The following HELZ variants were observed in gnomAD, a reference collection of about 807,000 sequenced individuals.
The protein encoded by HELZ is helicase with zinc finger.
HELZ carries 23 observed loss-of-function variants against 218.2 expected under a neutral mutation model. The ratio of observed to expected loss-of-function variants is 0.11; its 90% CI spans 0.08 to 0.15. The LOEUF (loss-of-function observed/expected upper bound fraction) is 0.15. Among genes scored for constraint, HELZ ranks in the 10% least tolerant of loss-of-function variants. The probability of loss-of-function intolerance (pLI) is 1.00; values close to 1 mark genes in which losing one functional copy is unlikely to be tolerated. For synonymous variants in HELZ, 814 were observed against 829.4 expected, an observed-to-expected ratio of 0.98 and a Z score of 0.32; for missense variants, 1,813 against 2,353.7, an observed-to-expected ratio of 0.77 and a Z score of 4.75.
intron 23 of HELZ, among the ~76,000 whole-genome samples, chr17:67,133,842 C>T (rs910998471): frequency 1.8e-4 from 27 of 152,126 alleles, no homozygotes; most frequent in African/African-American, 6.5e-4. Flanking sequence ...TCCATTTACT[C>T]CCCTAATAGT....
At chr17:67,097,158 A>G (rs1056739340) in intron 31 of HELZ, among the ~76,000 whole-genome samples, 4 of 152,244 alleles carry the variant, frequency 2.6e-5, no homozygotes, top group Admixed American at 6.5e-5. Context: ...CAGAATACAC[A>G]TAACACTGAT....
chr17:67,193,781 T>C (rs1004354191), intron 9 of HELZ, among the ~76,000 whole-genome samples, 186 bp downstream of exon 9: 7 of 152,186 alleles, frequency 4.6e-5, no homozygotes, highest in African/African-American at 1.7e-4. Flanking sequence ...ATTTAGATCA[T>C]TGCTGTTTAG....
intron 32 of HELZ, among the ~76,000 whole-genome samples, chr17:67,080,418 C>T (rs1192415586): frequency 6.6e-6 from 1 of 152,186 alleles, no homozygotes; most frequent in South Asian, 2.1e-4. Context: ...CCTCCTCTAC[C>T]TCTTTTCAGA....
At chr17:67,132,596 T>C (rs1240509349) in intron 23 of HELZ, among the ~76,000 whole-genome samples, 1 of 152,190 alleles carries the variant, frequency 6.6e-6, no homozygotes, top group Non-Finnish European at 1.5e-5. Context: ...ACCCACATTA[T>C]AGGGTTGTTA....
chr17:67,115,690 C>G (rs1018488309), intron 27 of HELZ, among the ~76,000 whole-genome samples: 1 of 151,926 alleles, frequency 6.6e-6, no homozygotes, highest in Non-Finnish European at 1.5e-5. Context: ...AAACTGCCAA[C>G]CAAGAATTCT....
chr17:67,235,943 G>A (rs11871521), intron 3 of HELZ, among the ~76,000 whole-genome samples: 1,544 of 151,914 alleles, frequency 0.01, 16 homozygotes, highest in Non-Finnish European at 0.015. Flanking sequence ...TGTATTTTTA[G>A]AAGAGACGGG....
In HELZ at chr17:67,078,412, C is replaced by G. The variant is rs763280305; in HGVS notation, c.5669G>C (p.Gly1890Ala). ...GCTGGCATAGGACATGGCGGGCTTGCCCCCCGCAGAGCTCTGGGGGCTACT... is the reference window on the plus strand; with the variant it reads ...GCTGGCATAGGACATGGCGGGCTTGGCCCCCGCAGAGCTCTGGGGGCTACT... ...NSSSPQSSAG[G>A]KPAMSYASAL... Residue 1890 changes from glycine (G) to alanine (A), a missense_variant, in exon 33 of 33, where the codon GGC (glycine) becomes GCC (alanine). Transcript: ENST00000358691. 6.3e-7 allele frequency: 1 copy of G among 1,599,152 alleles called. No homozygotes were observed. The highest frequency in any genetic ancestry group is 8.5e-7 in the Non-Finnish European group (1 of 1,174,996).
chr17:67,128,988 G>A (rs1487835307), intron 23 of HELZ, 133 bp from the exon 24 acceptor site: 1 of 689,848 alleles, frequency 1.4e-6, no homozygotes, highest in Non-Finnish European at 2.5e-6. Context: ...ATCTATGATT[G>A]AGATAAAATC....
rs539564213 is a variant in HELZ, at chr17:67,150,189, G to A, written c.2357-204C>T. 1.3e-4 allele frequency: 49 copies of A among 372,676 alleles called. No homozygotes were observed. The Admixed American group carries it at 1.7e-3, about 13-fold the overall frequency. The allele number at this position is 372,676 out of a possible 1,614,324, so 23.1% of individuals were successfully genotyped here. On this transcript the variant is annotated intron_variant, in intron 18 of 32. Coordinates refer to ENST00000358691, the MANE Select transcript of HELZ (RefSeq NM_014877.4). ...GTCACTCTGTCTCCCAGGCTGGAGT[G>A]CAGTGCTATATGATCACAGCTCACT...
chr17:67,107,183 G>A lies in HELZ; in HGVS notation c.5227C>T (p.Pro1743Ser), dbSNP rs1209023123. Reference sequence around the variant, plus strand: ...AAGACATTTACCTCTTCTAAGCTAGGGAGCGAAGAAGAAGATACTGTTCGA... The same window carrying A: ...AAGACATTTACCTCTTCTAAGCTAGAGAGCGAAGAAGAAGATACTGTTCGA... ...SSRTVSSSSL[P>S]SLEEYEPRGP... Residue 1743 changes from proline (P) to serine (S), a missense_variant, in exon 31 of 33, where the codon CCT becomes TCT. Around this residue, in one of 4 missense-constraint regions of HELZ, gnomAD observed 938 missense variants for 1,027.5 expected, o/e 0.91. Transcript: ENST00000358691. The A allele has an allele frequency of 1.2e-6, 2 of 1,612,482 alleles. No individual in the cohort carries two copies. The highest frequency in any genetic ancestry group is 4.5e-5 in the East Asian group (2 of 44,874).
At chr17:67,190,395 T>C in intron 9 of HELZ, 40 bp from the exon 10 acceptor site, 1 of 1,478,042 alleles carries the variant, frequency 6.8e-7, no homozygotes, top group Non-Finnish European at 9.4e-7. Flanking sequence ...ATATACTTTG[T>C]TGAACCATTT....
chr17:67,173,750 C>T (rs1217762968), intron 13 of HELZ, among the ~76,000 whole-genome samples: 1 of 151,982 alleles, frequency 6.6e-6, no homozygotes, highest in Non-Finnish European at 1.5e-5. Flanking sequence ...AGAAGCAGCA[C>T]CCATCTAACG....
chr17:67,214,445 T>C (rs2040541778), intron 5 of HELZ, among the ~76,000 whole-genome samples: 1 of 151,364 alleles, frequency 6.6e-6, no homozygotes, highest in Non-Finnish European at 1.5e-5. Context: ...TCTGTATTTT[T>C]AGTAGAGATG....
intron 31 of HELZ, among the ~76,000 whole-genome samples, chr17:67,101,063 T>C (rs1292934774): frequency 7.3e-6 from 1 of 136,200 alleles, no homozygotes; most frequent in East Asian, 2.1e-4. Flanking sequence ...TGAGCCCAGA[T>C]AGCGCCACTG....
chr17:67,113,906 T>G (rs893897537), intron 28 of HELZ, among the ~76,000 whole-genome samples: 1 of 152,056 alleles, frequency 6.6e-6, no homozygotes, highest in Non-Finnish European at 1.5e-5. Flanking sequence ...GCAGAGAAAA[T>G]AGATGAATGG....
chr17:67,236,262 T>TGAA (rs1351462047), intron 3 of HELZ, among the ~76,000 whole-genome samples: 1 of 152,196 alleles, frequency 6.6e-6, no homozygotes, highest in Non-Finnish European at 1.5e-5. Flanking sequence ...CAAAAACTTC[T>TGAA]GAAGAAAAAT....
At chr17:67,179,999 AGT>A (rs2039563455) in intron 12 of HELZ, among the ~76,000 whole-genome samples, 1 of 152,244 alleles carries the variant, frequency 6.6e-6, no homozygotes, top group Non-Finnish European at 1.5e-5. Flanking sequence ...ACATGAGCCT[AGT>A]CATTCACCAA....
At chr17:67,234,118 G>C (rs2041114145) in intron 3 of HELZ, among the ~76,000 whole-genome samples, 1 of 150,728 alleles carries the variant, frequency 6.6e-6, no homozygotes, top group South Asian at 2.1e-4. Context: ...GAGCTCAGGA[G>C]TTCAAGACCA....
At chr17:67,236,155 G>A (rs1335114206) in intron 3 of HELZ, among the ~76,000 whole-genome samples, 7 of 152,088 alleles carry the variant, frequency 4.6e-5, no homozygotes, top group Non-Finnish European at 1.0e-4. Flanking sequence ...TATAGCAACT[G>A]ATATCAACAA....
Sources: allele counts gnomAD v4.1 joint callset (sites outside exome capture counted in the v4.1 genomes callset), GRCh38; gene constraint gnomAD v4.1.1; regional missense constraint gnomAD v4.1.1; transcripts MANE v1.5; gene names NCBI Gene and HGNC (gene_info 2026-07-23, HGNC 2026-07-21).